MAST2: variants seen among roughly 807,000 people sequenced by gnomAD.
MAST2 encodes the protein microtubule associated serine/threonine kinase 2, also known as microtubule-associated serine/threonine-protein kinase 2.
In MAST2, 70 loss-of-function variants were observed where a neutral mutation model predicts 147.4. The observed-to-expected ratio is 0.47, with a 90% CI of 0.39 to 0.58. MAST2 has a LOEUF of 0.58. MAST2 is among the 20% of genes least tolerant of loss of function. The probability of loss-of-function intolerance (pLI) is 0.00; values close to 1 mark genes in which losing one functional copy is unlikely to be tolerated. For missense variants in MAST2, 2,080 were observed against 2,302.3 expected (o/e 0.90, Z 1.98); for synonymous variants, 869 against 896.8 (o/e 0.97, Z 0.55).
Position 45,824,585 on chromosome 1 carries a change from A to C in MAST2, c.325+5A>C, listed in dbSNP as rs565888923. 6.4e-7 allele frequency: 1 copy of C among 1,574,776 alleles called. No homozygotes were observed. Among genetic ancestry groups the C allele is most frequent in the East Asian group, 2.3e-5 (1 of 43,986 alleles). On this transcript the variant is annotated splice_donor_5th_base_variant and intron_variant, in intron 2 of 28. Coordinates refer to ENST00000361297, the MANE Select transcript of MAST2 (RefSeq NM_015112.3). ...ACCTGGCCAGCTCTCTATCGGGTAA[A>C]TATCTGATTTTGTTGTTTTAAGAAA...
At chr1:45,850,394 T>C (rs1189324762) in intron 3 of MAST2, among the ~76,000 whole-genome samples, 1 of 152,252 alleles carries the variant, frequency 6.6e-6, no homozygotes, top group Non-Finnish European at 1.5e-5. Flanking sequence ...TTCTGTAGGC[T>C]GTTAACTCTA....
At chr1:45,922,460 T>C (rs1653665386) in intron 4 of MAST2, among the ~76,000 whole-genome samples, 1 of 152,204 alleles carries the variant, frequency 6.6e-6, no homozygotes, top group South Asian at 2.1e-4. Context: ...TTCCCATGCT[T>C]GTCAGTGCCC....
At chr1:45,883,417 A>T in intron 4 of MAST2, among the ~76,000 whole-genome samples, 1 of 152,130 alleles carries the variant, frequency 6.6e-6, no homozygotes. Flanking sequence ...ACGAAAACTT[A>T]TTTTGGTTTG....
chr1:45,901,854 T>C (rs1317659052), intron 4 of MAST2, among the ~76,000 whole-genome samples: 1 of 152,204 alleles, frequency 6.6e-6, no homozygotes, highest in Non-Finnish European at 1.5e-5. Flanking sequence ...ACTAAAATTG[T>C]TTATTGGGTC....
intron 4 of MAST2, among the ~76,000 whole-genome samples, chr1:45,905,944 C>T (rs751423282): frequency 1.3e-5 from 2 of 152,110 alleles, no homozygotes; most frequent in Non-Finnish European, 2.9e-5. Context: ...AGTTGGCCCA[C>T]GTCCACATCA....
At chr1:45,876,509 G>A (rs902473714) in intron 3 of MAST2, among the ~76,000 whole-genome samples, 10 of 152,196 alleles carry the variant, frequency 6.6e-5, no homozygotes, top group African/African-American at 2.4e-4. Flanking sequence ...ATATTGTAAT[G>A]TATTACCAGG....
chr1:45,828,627 A>G (rs1425308987), intron 2 of MAST2, among the ~76,000 whole-genome samples: 5 of 152,248 alleles, frequency 3.3e-5, no homozygotes, highest in Admixed American at 6.5e-5. Flanking sequence ...CACCTCATTT[A>G]TAAAGTCATT....
chr1:45,842,091 C>T (rs1414178270), intron 3 of MAST2, among the ~76,000 whole-genome samples: 1 of 152,074 alleles, frequency 6.6e-6, no homozygotes, highest in African/African-American at 2.4e-5. Context: ...ACTAGGTGAT[C>T]GTTGTATTCT....
At chr1:45,940,139 C>G (rs1160550731) in intron 4 of MAST2, among the ~76,000 whole-genome samples, 1 of 151,298 alleles carries the variant, frequency 6.6e-6, no homozygotes, top group Admixed American at 6.6e-5. Context: ...ATTATAGGTG[C>G]CCACTGCCAC....
intron 10 of MAST2, among the ~76,000 whole-genome samples, chr1:46,016,294 C>T (rs905306912): frequency 1.3e-5 from 2 of 149,002 alleles, no homozygotes; most frequent in Non-Finnish European, 3.0e-5. Context: ...CCTCTCTGAC[C>T]ACTCCTATTC....
chr1:45,911,258 C>T (rs1402068765), intron 4 of MAST2, among the ~76,000 whole-genome samples: 2 of 152,144 alleles, frequency 1.3e-5, no homozygotes, highest in Admixed American at 6.5e-5. Flanking sequence ...AAAGAAAGTA[C>T]TCTGTGTGGG....
intron 5 of MAST2, among the ~76,000 whole-genome samples, chr1:45,974,722 C>G (rs577961941): frequency 6.6e-6 from 1 of 152,270 alleles, no homozygotes; most frequent in African/African-American, 2.4e-5. Flanking sequence ...GAAGTATGGT[C>G]TGATTTCCAG....
At chr1:45,885,167 C>CTATAA (rs1172141105) in intron 4 of MAST2, among the ~76,000 whole-genome samples, 7 of 152,114 alleles carry the variant, frequency 4.6e-5, no homozygotes, top group African/African-American at 1.4e-4. Flanking sequence ...TTTAAAGTTT[C>CTATAA]TATAATTGTC....
At chr1:46,032,440 TTCA>T in intron 25 of MAST2, 36 bp downstream of exon 25, 2 of 1,608,696 alleles carry the variant, frequency 1.2e-6, no homozygotes, top group Non-Finnish European at 1.7e-6. Context: ...GTCTCCCTGC[TTCA>T]TCATCCTTCC....
At chr1:45,824,388 G>A in intron 1 of MAST2, 45 bp from the exon 2 acceptor site, 2 of 1,481,886 alleles carry the variant, frequency 1.3e-6, no homozygotes, top group Non-Finnish European at 1.8e-6. Flanking sequence ...TTATACTTCA[G>A]AGGAGATATT....
At chr1:46,024,866 G>A (rs140674154) in intron 15 of MAST2, among the ~76,000 whole-genome samples, 235 of 152,246 alleles carry the variant, frequency 1.5e-3, no homozygotes, top group Admixed American at 3.7e-3. Context: ...TGCTAATAAA[G>A]GCATACCAGA....
chr1:46,034,054 T>C lies in MAST2; in HGVS notation c.3675-19T>C. The C allele has an allele frequency of 6.2e-7, 1 of 1,610,656 alleles. No homozygotes were observed. The highest frequency in any genetic ancestry group is 8.5e-7 in the Non-Finnish European group (1 of 1,178,250). Reference sequence around the variant, plus strand: ...TGTGCTCACTGCACCGACTCAGCCTTTGACCCTTATCCCCGCAGCAGAAAA... The same window carrying C: ...TGTGCTCACTGCACCGACTCAGCCTCTGACCCTTATCCCCGCAGCAGAAAA... On this transcript the variant is annotated intron_variant, in intron 27 of 28. Coordinates refer to ENST00000361297, the MANE Select transcript of MAST2 (RefSeq NM_015112.3).
At position 46,021,930 on chromosome 1, in the gene MAST2, ATCTC is replaced by A; in HGVS notation, c.1291-15_1291-12del. On this transcript the variant is annotated splice_polypyrimidine_tract_variant and intron_variant, in intron 11 of 28. Transcript: ENST00000361297. ...TCGCTTATATCTGTCACCACTGACTATCTCTCTCCCTTGGTACAGGAGTTTGACC... is the reference window on the plus strand; with the variant it reads ...TCGCTTATATCTGTCACCACTGACTATCTCCCTTGGTACAGGAGTTTGACC... The A allele has an allele frequency of 4.3e-6, 7 of 1,613,610 alleles. No individual in the cohort carries two copies. The highest frequency in any genetic ancestry group is 1.7e-5 in the Admixed American group (1 of 59,956).
rs59051138 is a variant in MAST2, at chr1:45,900,173, C to CAAAAAAAAAAAAAA, written c.500+17787_500+17800dup. ...CGACAGAGCGAGACTCTCTCTCTCT[C>CAAAAAAAAAAAAAA]AAAAAAAAAAAAAAAAAAAAAAGAT... On this transcript the variant is annotated intron_variant, in intron 4 of 28. Coordinates refer to ENST00000361297, the MANE Select transcript of MAST2 (RefSeq NM_015112.3). Among the ~76,000 whole-genome samples, 99 of 54,086 alleles carry CAAAAAAAAAAAAAA rather than the reference C, an allele frequency of 1.8e-3. 13 individuals carry two copies. Among genetic ancestry groups the CAAAAAAAAAAAAAA allele is most frequent in the African/African-American group, 7.1e-3 (81 of 11,376 alleles). 35.5% of individuals were successfully genotyped at this position (54,086 alleles called of 152,430 possible). A position where few individuals can be genotyped will look rare whatever the true frequency, so the allele number is the denominator to read the frequency against.
Sources: gnomAD v4.1 joint callset for allele counts (sites outside exome capture counted in the v4.1 genomes callset) on GRCh38, gnomAD v4.1.1 for gene constraint, MANE v1.5 for transcripts, NCBI Gene and HGNC (gene_info 2026-07-23, HGNC 2026-07-21) for gene names.